RPS6KC1: variants seen among roughly 807,000 people sequenced by gnomAD.
The protein encoded by RPS6KC1 is inactive ribosomal protein S6 kinase delta-1.
Under a neutral mutation model 103.8 loss-of-function variants are expected in RPS6KC1, and 54 were observed. The ratio of observed to expected loss-of-function variants is 0.52; its 90% CI spans 0.42 to 0.65. The LOEUF is 0.65. RPS6KC1 is among the 30% of genes least tolerant of loss of function. RPS6KC1 has a pLI of 0.00. For missense variants in RPS6KC1, 1,151 were observed against 1,253.8 expected (o/e 0.92, Z 1.24); for synonymous variants, 439 against 438.7 (o/e 1.00, Z -0.01).
the RPS6KC1 span, among the ~76,000 whole-genome samples, chr1:213,824,873 C>G: frequency 2.0e-5 from 3 of 152,206 alleles, no homozygotes; most frequent in Non-Finnish European, 2.9e-5. Flanking sequence ...TGAACTAATA[C>G]ATGCATTGAT....
chr1:213,329,009 A>G, the RPS6KC1 span, among the ~76,000 whole-genome samples: 19 of 152,234 alleles, frequency 1.2e-4, no homozygotes, highest in Admixed American at 3.9e-4. Context: ...CCCCCTAACC[A>G]GGGCGTGGTG....
the RPS6KC1 span, among the ~76,000 whole-genome samples, chr1:213,560,791 G>A: frequency 2.6e-5 from 4 of 152,162 alleles, no homozygotes; most frequent in Non-Finnish European, 5.9e-5. Flanking sequence ...CCAGATGGAT[G>A]TGGCACATGA....
At chr1:213,226,950 T>G (rs574304499) in intron 8 of RPS6KC1, among the ~76,000 whole-genome samples, 16 of 152,364 alleles carry the variant, frequency 1.1e-4, no homozygotes, top group African/African-American at 3.8e-4. Context: ...GGAAGAAACC[T>G]GGAGCCAGAC....
chr1:213,128,547 T>A lies in RPS6KC1; in HGVS notation c.473-980T>A, dbSNP rs75468033. ...CGTGCTCATTTACCATGATGTCAGT[T>A]ATATGAACTAGGAGAAGGAATTTTC... On this transcript the variant is annotated intron_variant, in intron 5 of 14. Transcript: ENST00000366960. 9.3e-3 allele frequency among the ~76,000 whole-genome samples: 1,418 copies of A among 152,310 alleles called. 49 individuals carry two copies. Among genetic ancestry groups the A allele is most frequent in the East Asian group, 0.071 (366 of 5,182 alleles).
the RPS6KC1 span, among the ~76,000 whole-genome samples, chr1:213,694,692 A>C: frequency 1.3e-5 from 2 of 152,220 alleles, no homozygotes; most frequent in African/African-American, 4.8e-5. Context: ...TTAGGGCAAC[A>C]CATAGCCATA....
the RPS6KC1 span, among the ~76,000 whole-genome samples, chr1:213,389,399 C>T: frequency 6.6e-6 from 1 of 152,320 alleles, no homozygotes; most frequent in African/African-American, 2.4e-5. Context: ...GGAGGCAGCG[C>T]GGGCAGGCCA....
At chr1:213,733,555 T>C in the RPS6KC1 span, among the ~76,000 whole-genome samples, 1 of 151,400 alleles carries the variant, frequency 6.6e-6, no homozygotes, top group Non-Finnish European at 1.5e-5. Flanking sequence ...TTTGTTTTTT[T>C]TTTTTTTTTG....
chr1:213,515,235 G>T, the RPS6KC1 span, among the ~76,000 whole-genome samples: 4 of 152,040 alleles, frequency 2.6e-5, no homozygotes, highest in African/African-American at 4.8e-5. Flanking sequence ...TTAGTTTAAT[G>T]AGATCCCATT....
At chr1:213,839,631 A>T in the RPS6KC1 span, 1 of 152,226 alleles carries the variant, frequency 6.6e-6, no homozygotes, top group Non-Finnish European at 1.5e-5. Flanking sequence ...CTGCAGGGTC[A>T]GTGTCATTTT....
the RPS6KC1 span, among the ~76,000 whole-genome samples, chr1:213,529,485 T>A: frequency 6.6e-6 from 1 of 152,210 alleles, no homozygotes; most frequent in Non-Finnish European, 1.5e-5. Flanking sequence ...TAAGAACTGA[T>A]CCTTGTACAA....
the RPS6KC1 span, among the ~76,000 whole-genome samples, chr1:213,466,713 A>G: frequency 2.0e-5 from 3 of 152,190 alleles, no homozygotes; most frequent in East Asian, 3.8e-4. Flanking sequence ...TATCTTTATC[A>G]TTAGCAATGC....
intron 8 of RPS6KC1, among the ~76,000 whole-genome samples, chr1:213,221,048 ATACTC>A (rs2093819105): frequency 6.6e-6 from 1 of 152,196 alleles, no homozygotes; most frequent in South Asian, 2.1e-4. Flanking sequence ...TCAAAACAAA[ATACTC>A]TACTTTTATG....
At chr1:213,759,304 A>G in the RPS6KC1 span, among the ~76,000 whole-genome samples, 2 of 152,326 alleles carry the variant, frequency 1.3e-5, no homozygotes, top group African/African-American at 4.8e-5. Context: ...CACTTAATAG[A>G]CTACAGTATA....
At chr1:213,836,298 A>G in the RPS6KC1 span, among the ~76,000 whole-genome samples, 23 of 152,096 alleles carry the variant, frequency 1.5e-4, no homozygotes, top group African/African-American at 5.6e-4. Flanking sequence ...TATAAATATA[A>G]TGCAACCCTA....
chr1:213,178,564 A>C (rs531965318), intron 8 of RPS6KC1, among the ~76,000 whole-genome samples: 37 of 152,150 alleles, frequency 2.4e-4, no homozygotes, highest in South Asian at 1.5e-3. Flanking sequence ...AACAAACAAA[A>C]AAAAACACAA....
At chr1:213,146,194 C>T (rs1159750634) in intron 6 of RPS6KC1, among the ~76,000 whole-genome samples, 1 of 151,298 alleles carries the variant, frequency 6.6e-6, no homozygotes, top group Non-Finnish European at 1.5e-5. Context: ...TTTTCAGTTC[C>T]ATCCATGGCG....
At chr1:213,726,974 C>A in the RPS6KC1 span, among the ~76,000 whole-genome samples, 2 of 152,152 alleles carry the variant, frequency 1.3e-5, no homozygotes, top group South Asian at 4.1e-4. Flanking sequence ...AATCTTAGGG[C>A]GCCACCATCT....
chr1:213,419,526 A>G, the RPS6KC1 span, among the ~76,000 whole-genome samples: 6 of 152,202 alleles, frequency 3.9e-5, no homozygotes, highest in East Asian at 1.9e-4. Flanking sequence ...GACTGGCACA[A>G]CTAGTTAGTG....
chr1:213,381,064 G>T, the RPS6KC1 span, among the ~76,000 whole-genome samples: 1 of 152,178 alleles, frequency 6.6e-6, no homozygotes, highest in Non-Finnish European at 1.5e-5. Flanking sequence ...CTTTCTTAAC[G>T]ATTGGCGCTC....
Sources: gnomAD v4.1 joint callset for allele counts (sites outside exome capture counted in the v4.1 genomes callset) on GRCh38, gnomAD v4.1.1 for gene constraint, MANE v1.5 for transcripts, NCBI Gene and HGNC (gene_info 2026-07-23, HGNC 2026-07-21) for gene names.